Variants in SYNPO2 observed in about 807,000 individuals in gnomAD.
SYNPO2 encodes the protein synaptopodin 2.
In SYNPO2, 56 loss-of-function variants were observed where a neutral mutation model predicts 85.0. That is an observed-to-expected ratio of 0.66 (90% CI 0.53 to 0.82). The LOEUF (loss-of-function observed/expected upper bound fraction) is 0.82, where lower values mean the gene tolerates loss of function less well. Among genes scored for constraint, SYNPO2 ranks in the 40% least tolerant of loss-of-function variants. SYNPO2 has a pLI of 0.00. For missense variants in SYNPO2, 1,575 were observed against 1,534.2 expected, an observed-to-expected ratio of 1.03 and a Z score of -0.44; for synonymous variants, 602 against 591.1, an observed-to-expected ratio of 1.02 and a Z score of -0.27.
chr4:119,011,021 T>C (rs1394271184), intron 1 of SYNPO2, among the ~76,000 whole-genome samples: 2 of 152,202 alleles, frequency 1.3e-5, no homozygotes, highest in African/African-American at 4.8e-5. Flanking sequence ...CTCCTCAATC[T>C]GAAATAAATA....
chr4:118,966,814 G>T (rs1735333837), intron 1 of SYNPO2, among the ~76,000 whole-genome samples: 1 of 152,048 alleles, frequency 6.6e-6, no homozygotes, highest in South Asian at 2.1e-4. Flanking sequence ...TACTAATGTA[G>T]GTTGAACAGA....
chr4:119,060,658 ATTTG>A lies in SYNPO2; in HGVS notation c.*2731_*2734del. ...ATACATACCACATTTGTTATAAAGC[ATTTG>A]TTTGTTAGTATCAATCACATAGGTA... is the stretch of plus-strand genomic sequence containing the variant. On this transcript the variant is annotated 3_prime_UTR_variant, in exon 5 of 5. Transcript: ENST00000307142. The A allele has an allele frequency of 6.6e-6, 1 of 152,258 alleles. No individual in the cohort carries two copies. The highest frequency in any genetic ancestry group is 1.9e-4 in the East Asian group (1 of 5,178). The allele number at this position is 152,258 out of a possible 1,614,324, so 9.4% of individuals were successfully genotyped here.
At chr4:118,933,080 A>G (rs563686826) in intron 1 of SYNPO2, among the ~76,000 whole-genome samples, 2 of 152,334 alleles carry the variant, frequency 1.3e-5, no homozygotes, top group African/African-American at 2.4e-5. Flanking sequence ...TTTTATGTCA[A>G]TGATGAAAAA....
intron 1 of SYNPO2, among the ~76,000 whole-genome samples, chr4:118,916,729 C>CTTTTTTTTTTTTTTTT (rs199715189): frequency 3.9e-4 from 46 of 117,018 alleles, no homozygotes; most frequent in Non-Finnish European, 5.0e-4. Flanking sequence ...ATTTTTCTTT[C>CTTTTTTTTTTTTTTTT]TTTTTTTTTT....
At chr4:119,025,437 G>T (rs1015294200) in intron 2 of SYNPO2, among the ~76,000 whole-genome samples, 1 of 152,096 alleles carries the variant, frequency 6.6e-6, no homozygotes, top group Admixed American at 6.6e-5. Context: ...AATTACTTGC[G>T]TATAGAGAAA....
At chr4:118,933,581 CTT>C (rs1401095308) in intron 1 of SYNPO2, among the ~76,000 whole-genome samples, 1 of 152,148 alleles carries the variant, frequency 6.6e-6, no homozygotes, top group Non-Finnish European at 1.5e-5. Context: ...AGGATGATAA[CTT>C]TTGAATCCAG....
chr4:118,921,384 C>T (rs992739487), intron 1 of SYNPO2, among the ~76,000 whole-genome samples: 1 of 152,166 alleles, frequency 6.6e-6, no homozygotes. Flanking sequence ...TGCCTTCAAA[C>T]CCATCTTCGA....
At chr4:118,978,907 T>C (rs1735896969) in intron 1 of SYNPO2, among the ~76,000 whole-genome samples, 2 of 152,170 alleles carry the variant, frequency 1.3e-5, no homozygotes, top group Admixed American at 1.3e-4. Flanking sequence ...TGTTTTATCC[T>C]ATGTAGTGCC....
rs143544429 is a variant in SYNPO2 at position 119,031,454 on chromosome 4, G to A, written c.2679G>A (p.Val893=). ...AGTATGTGGTCGATTCAGACACGGT[G>A]CAGGCCCACGCTGCTCGAGCTCAGT... ...MEKYVVDSDT[V]QAHAARAQSP... The change falls in exon 4 of 5, where the codon GTG becomes GTA. Residue 893 remains valine, a synonymous_variant. Coordinates refer to ENST00000307142, the MANE Select transcript of SYNPO2 (RefSeq NM_133477.3). 6.8e-6 allele frequency: 11 copies of A among 1,614,132 alleles called. No individual in the cohort carries two copies. The African/African-American group carries it at 1.5e-4, about 22-fold the overall frequency.
intron 1 of SYNPO2, among the ~76,000 whole-genome samples, chr4:118,941,877 G>A (rs187560025): frequency 5.9e-5 from 9 of 152,204 alleles, no homozygotes; most frequent in African/African-American, 1.9e-4. Context: ...TGTGTTTTCC[G>A]TAGGAAAGGC....
Position 118,877,496 on chromosome 4 carries a change from T to G in SYNPO2, c.12+26556T>G, listed in dbSNP as rs541174512. 3.9e-5 allele frequency among the ~76,000 whole-genome samples: 6 copies of G among 152,156 alleles called. No homozygotes were observed. In the South Asian group the frequency reaches 1.2e-3, roughly 32 times the overall value. ...GTCTAATAAGAATCTATAAGGAACT[T>G]AAACAAATTTACAAGCAAAAACTGA... is the stretch of plus-strand genomic sequence containing the variant. On this transcript the variant is annotated intron_variant, in intron 1 of 4. Transcript: ENST00000610556.
At chr4:119,016,464 T>C (rs1472716466) in intron 1 of SYNPO2, among the ~76,000 whole-genome samples, 3 of 152,140 alleles carry the variant, frequency 2.0e-5, no homozygotes, top group Admixed American at 2.0e-4. Context: ...CAAATAGTTC[T>C]AGTTCTGCTC....
chr4:118,954,954 C>T (rs116219078), intron 1 of SYNPO2, among the ~76,000 whole-genome samples: 1,548 of 150,420 alleles, frequency 0.01, 24 homozygotes, highest in African/African-American at 0.035. Flanking sequence ...AGGTAATAAA[C>T]AATGACTTGC....
chr4:118,860,555 TTTTTTTG>T, intron 1 of SYNPO2, among the ~76,000 whole-genome samples: 1 of 67,292 alleles, frequency 1.5e-5, no homozygotes, highest in Non-Finnish European at 2.9e-5. Context: ...CTTTTGCCTT[TTTTTTTG>T]TTTTTTTTTT....
Position 119,031,863 on chromosome 4 carries a change from T to C in SYNPO2, c.3088T>C (p.Tyr1030His). The C allele has an allele frequency of 6.2e-7, 1 of 1,614,192 alleles. No individual in the cohort carries two copies. Among genetic ancestry groups the C allele is most frequent in the Non-Finnish European group, 8.5e-7 (1 of 1,180,034 alleles). Residue 1030 changes from tyrosine (Y) to histidine (H), a missense_variant, in exon 4 of 5, where the codon TAT becomes CAT. Coordinates refer to ENST00000307142, the MANE Select transcript of SYNPO2 (RefSeq NM_133477.3). ...QASSVYSVPA[Y>H]TSPPSFFAEA... ...TTCGTCAGTGTACTCGGTACCAGCC[T>C]ATACCTCTCCTCCTTCCTTCTTTGC...
At chr4:118,958,566 G>T (rs1429967015) in intron 1 of SYNPO2, among the ~76,000 whole-genome samples, 1 of 151,954 alleles carries the variant, frequency 6.6e-6, no homozygotes. Context: ...GGAGGAGGGG[G>T]GTCAAAAGCA....
intron 1 of SYNPO2, among the ~76,000 whole-genome samples, chr4:119,023,058 A>G (rs939257476): frequency 4.6e-5 from 7 of 151,980 alleles, no homozygotes; most frequent in African/African-American, 1.2e-4. Flanking sequence ...TTACAGGCAT[A>G]AGCCACCACG....
chr4:119,022,565 G>A (rs1018107578), intron 1 of SYNPO2, among the ~76,000 whole-genome samples: 5 of 130,582 alleles, frequency 3.8e-5, no homozygotes, highest in African/African-American at 1.1e-4. Flanking sequence ...CATATTGACC[G>A]GGCTGGTCTC....
At chr4:118,888,775 A>C (rs1307293166), upstream of SYNPO2, 37 of 494,876 alleles carry the variant, frequency 7.5e-5, no homozygotes, top group South Asian at 9.3e-4. Flanking sequence ...TGGGCCGAGC[A>C]AAGGAGAGTG....
Sources: allele counts gnomAD v4.1 joint callset (sites outside exome capture counted in the v4.1 genomes callset), GRCh38; gene constraint gnomAD v4.1.1; transcripts MANE v1.5; gene names NCBI Gene and HGNC (gene_info 2026-07-23, HGNC 2026-07-21).